Variants in MYLK observed in about 807,000 individuals in gnomAD.
MYLK encodes myosin light chain kinase, also known as myosin light chain kinase, smooth muscle.
In MYLK, 106 loss-of-function variants were observed where a neutral mutation model predicts 203.4. The observed-to-expected ratio is 0.52, with a 90% CI of 0.45 to 0.61. The LOEUF (loss-of-function observed/expected upper bound fraction) is 0.61. MYLK is among the 20% of genes least tolerant of loss of function. The probability of loss-of-function intolerance (pLI) is 0.00; values close to 1 mark genes in which losing one functional copy is unlikely to be tolerated. For missense variants in MYLK, 2,072 were observed against 2,442.3 expected (o/e 0.85, Z 3.20); for synonymous variants, 867 against 959.5 (o/e 0.90, Z 1.78).
intron 4 of MYLK, among the ~76,000 whole-genome samples, chr3:123,773,468 C>T (rs2063954266): frequency 6.6e-6 from 1 of 152,144 alleles, no homozygotes; most frequent in African/African-American, 2.4e-5. Context: ...AGTAGGAGCA[C>T]ATTTTTAGAA....
chr3:123,761,128 G>C (rs2063520342), intron 4 of MYLK, among the ~76,000 whole-genome samples: 1 of 152,216 alleles, frequency 6.6e-6, no homozygotes, highest in Non-Finnish European at 1.5e-5. Context: ...ATGGAGTGGA[G>C]GGCTGCTCCC....
intron 2 of MYLK, among the ~76,000 whole-genome samples, chr3:123,864,827 G>T (rs1207826582): frequency 1.3e-5 from 2 of 152,138 alleles, no homozygotes; most frequent in African/African-American, 4.8e-5. Flanking sequence ...GATCGTTTGA[G>T]CCCAGGAGTT....
At chr3:123,675,119 CTTG>C (rs1320895872) in intron 20 of MYLK, among the ~76,000 whole-genome samples, 1 of 152,224 alleles carries the variant, frequency 6.6e-6, no homozygotes, top group African/African-American at 2.4e-5. Context: ...AGCCCTGGGG[CTTG>C]AATTTTTATA....
At chr3:123,753,476 C>CTT (rs5852362) in intron 4 of MYLK, among the ~76,000 whole-genome samples, 1 of 120,902 alleles carries the variant, frequency 8.3e-6, no homozygotes, top group Non-Finnish European at 1.8e-5. Flanking sequence ...TCTGAGTTTC[C>CTT]TTTTTTTTTT....
chr3:123,655,093 C>T (rs1464540968), intron 24 of MYLK, among the ~76,000 whole-genome samples: 2 of 152,146 alleles, frequency 1.3e-5, no homozygotes, highest in African/African-American at 4.8e-5. Context: ...ATGCTTCTGG[C>T]CTCTCTTTCT....
chr3:123,867,846 A>G lies in MYLK; in HGVS notation c.-127+8713T>C, dbSNP rs1332992765. Among the ~76,000 whole-genome samples, 3 of 152,180 alleles carry G rather than the reference A, an allele frequency of 2.0e-5. No homozygotes were observed. In the East Asian group the frequency reaches 5.8e-4, roughly 29 times the overall value. On this transcript the variant is annotated intron_variant, in intron 2 of 33. Coordinates refer to ENST00000360304, the MANE Select transcript of MYLK (RefSeq NM_053025.4). The stretch of plus-strand genomic sequence containing the variant: ...CTTCCTCCCTACAGTCCTCAGGTCC[A>G]CAGCTCATAAGCAACTCCTGCCTCC...
intron 2 of MYLK, among the ~76,000 whole-genome samples, chr3:123,853,383 A>T (rs2031041532): frequency 2.0e-5 from 3 of 152,136 alleles, no homozygotes; most frequent in Non-Finnish European, 2.9e-5. Context: ...GAACCAAGAT[A>T]CTAGAGAATG....
At chr3:123,798,100 G>A (rs2109134550) in intron 3 of MYLK, among the ~76,000 whole-genome samples, 1 of 152,336 alleles carries the variant, frequency 6.6e-6, no homozygotes, top group African/African-American at 2.4e-5. Context: ...TAAGCAAGGT[G>A]TACGTGCTGA....
At chr3:123,774,710 A>G (rs2064004799) in intron 4 of MYLK, among the ~76,000 whole-genome samples, 1 of 151,982 alleles carries the variant, frequency 6.6e-6, no homozygotes, top group East Asian at 1.9e-4. Flanking sequence ...TAAACACCAC[A>G]CCCTTATTTT....
intron 2 of MYLK, among the ~76,000 whole-genome samples, chr3:123,862,201 T>G (rs2031986975): frequency 6.6e-6 from 1 of 152,246 alleles, no homozygotes; most frequent in African/African-American, 2.4e-5. Flanking sequence ...TTCATGGCCA[T>G]CTGTGCTAAA....
intron 24 of MYLK, among the ~76,000 whole-genome samples, chr3:123,652,606 C>T (rs1030380472): frequency 6.6e-6 from 1 of 152,230 alleles, no homozygotes; most frequent in African/African-American, 2.4e-5. Context: ...GCGGTACAGG[C>T]TTTATATCTC....
At chr3:123,649,314 G>T in intron 24 of MYLK, 120 bp from the exon 25 acceptor site, 1 of 1,303,610 alleles carries the variant, frequency 7.7e-7, no homozygotes, top group Non-Finnish European at 1.1e-6. Context: ...ACGACTACCA[G>T]GTCCAGAGCT....
rs138364346 is a variant in MYLK, at chr3:123,614,293, G to A, written c.5557C>T (p.Arg1853Cys). 7 of 1,613,992 alleles carry A rather than the reference G, an allele frequency of 4.3e-6. No homozygotes were observed. Among genetic ancestry groups the A allele is most frequent in the African/African-American group, 4.0e-5 (3 of 74,884 alleles). Residue 1853 changes from arginine to cysteine, a missense_variant, in exon 34 of 34, where the codon CGC becomes TGC. Arg to Cys is a radical substitution (Grantham distance 180). This residue lies in a region of MYLK where 524 missense variants were observed against 782.4 expected (regional missense o/e 0.67). Coordinates refer to ENST00000360304, the MANE Select transcript of MYLK (RefSeq NM_053025.4). The part of the protein sequence containing the change: ...FKDDQSIRES[R>C]HFQIDYDEDG... ...TCATCGTAGTCTATCTGGAAGTGGCGGGACTCCCTGATTGACTGGTCATCT... is the reference window on the plus strand; with the variant it reads ...TCATCGTAGTCTATCTGGAAGTGGCAGGACTCCCTGATTGACTGGTCATCT...
intron 3 of MYLK, among the ~76,000 whole-genome samples, chr3:123,802,383 T>C (rs1251857058): frequency 6.6e-6 from 1 of 152,232 alleles, no homozygotes; most frequent in Non-Finnish European, 1.5e-5. Context: ...TCCCCATGGC[T>C]TCCTGGGCCT....
intron 23 of MYLK, among the ~76,000 whole-genome samples, chr3:123,661,184 A>G (rs1412112540): frequency 1.3e-5 from 2 of 152,234 alleles, no homozygotes; most frequent in East Asian, 1.9e-4. Context: ...CGTAGTGGTG[A>G]TCGGAGGAGG....
At chr3:123,680,642 T>A (rs1206790451) in intron 20 of MYLK, among the ~76,000 whole-genome samples, 1 of 152,226 alleles carries the variant, frequency 6.6e-6, no homozygotes, top group Non-Finnish European at 1.5e-5. Flanking sequence ...CCCAACATAC[T>A]GAAGGCTGAG....
In MYLK at chr3:123,766,618, C is replaced by A. The variant is rs72972318; in HGVS notation, c.166-14080G>T. ...TAGAAGCGAGATAGCTCCCAACAGC[C>A]CTGCCCGCCTTAGGAGGGGTCCTCG... On this transcript the variant is annotated intron_variant, in intron 4 of 33. Coordinates refer to ENST00000360304, the MANE Select transcript of MYLK (RefSeq NM_053025.4). Among the ~76,000 whole-genome samples the A allele has an allele frequency of 2.4e-3, 364 of 152,192 alleles. 2 individuals are homozygous for A. Among genetic ancestry groups the A allele is most frequent in the African/African-American group, 8.4e-3 (348 of 41,536 alleles).
intron 27 of MYLK, among the ~76,000 whole-genome samples, chr3:123,644,092 T>G (rs1249220332): frequency 6.6e-6 from 1 of 152,236 alleles, no homozygotes; most frequent in African/African-American, 2.4e-5. Context: ...TCATTACTAT[T>G]TCCCACTAGA....
At chr3:123,754,832 T>C (rs908988000) in intron 4 of MYLK, among the ~76,000 whole-genome samples, 1 of 152,190 alleles carries the variant, frequency 6.6e-6, no homozygotes, top group East Asian at 1.9e-4. Context: ...ATATAGCACA[T>C]TCATTAATTT....
Sources: gnomAD v4.1 joint callset for allele counts (sites outside exome capture counted in the v4.1 genomes callset) on GRCh38, gnomAD v4.1.1 for gene constraint, gnomAD v4.1.1 regional missense constraint, MANE v1.5 for transcripts, NCBI Gene and HGNC (gene_info 2026-07-23, HGNC 2026-07-21) for gene names.